The following BICC1 variants were observed in gnomAD, a reference collection of about 807,000 sequenced individuals.
BICC1 encodes BicC family RNA binding protein 1.
In BICC1, 43 loss-of-function variants were observed where a neutral mutation model predicts 111.0. That is an observed-to-expected ratio of 0.39 (90% CI 0.30 to 0.50). The LOEUF (loss-of-function observed/expected upper bound fraction) is 0.50, where lower values mean the gene tolerates loss of function less well. Ranked by LOEUF, BICC1 falls within the 20% of genes least tolerant of loss-of-function variation. The pLI, the probability that BICC1 is intolerant of heterozygous loss-of-function variation, is 0.88. For synonymous variants in BICC1, 467 were observed against 434.4 expected (o/e 1.07, Z -0.93); for missense variants, 1,091 against 1,203.2 (o/e 0.91, Z 1.38).
chr10:58,615,747 A>T (rs1845582297), intron 1 of BICC1, among the ~76,000 whole-genome samples: 1 of 152,118 alleles, frequency 6.6e-6, no homozygotes, highest in East Asian at 1.9e-4. Flanking sequence ...CACTGATTCC[A>T]GGTTGGGCAT....
At chr10:58,796,573 T>C in intron 10 of BICC1, 47 bp downstream of exon 10, 1 of 1,534,232 alleles carries the variant, frequency 6.5e-7, no homozygotes, top group Non-Finnish European at 8.8e-7. Flanking sequence ...GGGGAAATGC[T>C]TGTCTGGTTC....
At chr10:58,638,041 T>C (rs546150306) in intron 2 of BICC1, among the ~76,000 whole-genome samples, 1 of 152,250 alleles carries the variant, frequency 6.6e-6, no homozygotes, top group African/African-American at 2.4e-5. Flanking sequence ...TTTTAAAGTT[T>C]CTAATACTAA....
intron 1 of BICC1, among the ~76,000 whole-genome samples, chr10:58,616,032 T>C (rs1411307935): frequency 6.6e-6 from 1 of 152,102 alleles, no homozygotes; most frequent in Non-Finnish European, 1.5e-5. Context: ...GAGGCCTGGC[T>C]ACACAGCTCA....
intron 3 of BICC1, among the ~76,000 whole-genome samples, chr10:58,782,599 C>G (rs1290030600): frequency 2.0e-5 from 3 of 152,174 alleles, no homozygotes; most frequent in African/African-American, 4.8e-5. Context: ...AGGTTAACTT[C>G]ATTGTCAACC....
chr10:58,704,836 T>C (rs1840343312), intron 3 of BICC1, among the ~76,000 whole-genome samples: 1 of 152,230 alleles, frequency 6.6e-6, no homozygotes, highest in Admixed American at 6.5e-5. Flanking sequence ...CTTTGGAGTT[T>C]CTAAAATGCA....
At chr10:58,593,776 G>T (rs567335698) in intron 1 of BICC1, among the ~76,000 whole-genome samples, 1 of 152,068 alleles carries the variant, frequency 6.6e-6, no homozygotes, top group South Asian at 2.1e-4. Context: ...AGAAACCAGC[G>T]CAAAAATGCT....
intron 1 of BICC1, among the ~76,000 whole-genome samples, chr10:58,518,050 G>A (rs1842289384): frequency 6.6e-6 from 1 of 152,072 alleles, no homozygotes; most frequent in African/African-American, 2.4e-5. Flanking sequence ...AAAGGTGGGT[G>A]GGTAAATACT....
At chr10:58,641,863 AATTCACATTGTG>A (rs1838133623) in intron 2 of BICC1, among the ~76,000 whole-genome samples, 1 of 152,172 alleles carries the variant, frequency 6.6e-6, no homozygotes, top group African/African-American at 2.4e-5. Flanking sequence ...TTGTGTTAGG[AATTCACATTGTG>A]ATTCACATTG....
chr10:58,525,266 A>G lies in BICC1; in HGVS notation c.190+11933A>G, dbSNP rs375182881. 6.4e-3 allele frequency among the ~76,000 whole-genome samples: 774 copies of G among 120,396 alleles called. 9 individuals are homozygous for G. The highest frequency in any genetic ancestry group is 0.015 in the Middle Eastern group (4 of 262). The allele number at this position is 120,396 out of a possible 152,430, so 79.0% of individuals were successfully genotyped here. A position where few individuals can be genotyped will look rare whatever the true frequency, so the allele number is the denominator to read the frequency against. ...TGCTATAAAGATAACATGCACATGT[A>G]TGTTTATTGTGGCACTATTCACAAT... On this transcript the variant is annotated intron_variant, in intron 1 of 20. Coordinates refer to ENST00000373886, the MANE Select transcript of BICC1 (RefSeq NM_001080512.3).
At chr10:58,542,413 G>C (rs906934950) in intron 1 of BICC1, among the ~76,000 whole-genome samples, 9 of 151,932 alleles carry the variant, frequency 5.9e-5, no homozygotes, top group Non-Finnish European at 1.2e-4. Flanking sequence ...AAATTATTAA[G>C]CTCCTAGAAG....
At position 58,801,040 on chromosome 10, in the gene BICC1, A is replaced by G. The variant is rs765617853; in HGVS notation, c.2009A>G (p.His670Arg). The G allele has an allele frequency of 1.3e-6, 2 of 1,599,862 alleles. No individual in the cohort carries two copies. The highest frequency in any genetic ancestry group is 1.7e-6 in the Non-Finnish European group (2 of 1,174,844). ...CTATTGCAAGGCACGAAAAACTCAC[A>G]CTTACAGTATGTATTTTAATCTTTA... ...VELLQGTKNS[H>R]LHSTDRLLSD... The change falls in exon 14 of 21, where the codon CAC (histidine) becomes CGC (arginine). Residue 670 changes from histidine (H) to arginine (R), a missense_variant. Around this residue, in one of 3 missense-constraint regions of BICC1, gnomAD observed 843 missense variants for 900.8 expected, o/e 0.94. Coordinates refer to ENST00000373886, the MANE Select transcript of BICC1 (RefSeq NM_001080512.3).
At chr10:58,820,618 C>T in intron 20 of BICC1, 150 bp downstream of exon 20, 1 of 595,534 alleles carries the variant, frequency 1.7e-6, no homozygotes, top group Non-Finnish European at 3.0e-6. Context: ...AACAGTGTGA[C>T]AGATCCTGAG....
chr10:58,681,895 C>G (rs1477306828), intron 2 of BICC1, among the ~76,000 whole-genome samples: 2 of 151,434 alleles, frequency 1.3e-5, no homozygotes, highest in African/African-American at 2.4e-5. Flanking sequence ...ACTTTAAGTT[C>G]TAGGGTACAT....
At chr10:58,632,885 A>AGATG (rs398069798) in intron 2 of BICC1, among the ~76,000 whole-genome samples, 12 of 152,122 alleles carry the variant, frequency 7.9e-5, no homozygotes, top group African/African-American at 2.9e-4. Flanking sequence ...ATAGATAGAT[A>AGATG]TCACTTCATC....
chr10:58,758,804 A>G (rs576867118), intron 3 of BICC1, among the ~76,000 whole-genome samples: 14 of 152,304 alleles, frequency 9.2e-5, no homozygotes, highest in Non-Finnish European at 1.6e-4. Context: ...AGTTCTGTAA[A>G]GTCTGATCAG....
chr10:58,568,288 CCTGA>C (rs1304889671), intron 1 of BICC1, among the ~76,000 whole-genome samples: 3 of 152,132 alleles, frequency 2.0e-5, no homozygotes, highest in Admixed American at 1.3e-4. Flanking sequence ...TTACTTTCAT[CCTGA>C]CTGACAGATG....
At chr10:58,763,320 G>T (rs1842369983) in intron 3 of BICC1, among the ~76,000 whole-genome samples, 1 of 152,124 alleles carries the variant, frequency 6.6e-6, no homozygotes, top group South Asian at 2.1e-4. Context: ...GATAGCATGG[G>T]TTAGTCAACC....
intron 1 of BICC1, among the ~76,000 whole-genome samples, chr10:58,572,172 G>A (rs771010319): frequency 6.6e-5 from 10 of 151,948 alleles, no homozygotes; most frequent in Non-Finnish European, 1.3e-4. Context: ...CTTTTAAGTG[G>A]GATTTTTTTT....
intron 2 of BICC1, among the ~76,000 whole-genome samples, chr10:58,676,736 C>A (rs146704800): frequency 8.5e-5 from 13 of 152,190 alleles, no homozygotes; most frequent in Non-Finnish European, 1.9e-4. Context: ...CTCTGACCCC[C>A]CCGTGCCTCC....
Sources: gnomAD v4.1 joint callset for allele counts (sites outside exome capture counted in the v4.1 genomes callset) on GRCh38, gnomAD v4.1.1 for gene constraint, gnomAD v4.1.1 regional missense constraint, MANE v1.5 for transcripts, NCBI Gene and HGNC (gene_info 2026-07-23, HGNC 2026-07-21) for gene names.